ZNF486: variants seen among roughly 807,000 people sequenced by gnomAD.
ZNF486 encodes the protein KRAB box only protein 2.
In ZNF486, 12 loss-of-function variants were observed where a neutral mutation model predicts 12.8. That is an observed-to-expected ratio of 0.94 (90% CI 0.60 to 1.52). The LOEUF is 1.52. Among genes scored for constraint, ZNF486 ranks in the 40% most tolerant of loss-of-function variants. The probability of loss-of-function intolerance (pLI) is 0.00; values close to 1 mark genes in which losing one functional copy is unlikely to be tolerated. For missense variants in ZNF486, 738 were observed against 545.0 expected (o/e 1.35, Z -3.53); for synonymous variants, 231 against 184.9 (o/e 1.25, Z -2.02).
intron 2 of ZNF486, among the ~76,000 whole-genome samples, chr19:20,185,019 G>C (rs1555716162): frequency 6.6e-6 from 1 of 152,146 alleles, no homozygotes; most frequent in Non-Finnish European, 1.5e-5. Context: ...GCTGAGGCAG[G>C]AGATTCCCTT....
chr19:20,195,940 A>T (rs956410464), intron 3 of ZNF486, among the ~76,000 whole-genome samples: 1 of 152,200 alleles, frequency 6.6e-6, no homozygotes. Context: ...TGTCTAAAAA[A>T]GCCCCTAGAA....
rs111687138 is a variant in ZNF486 at position 20,170,112 on chromosome 19, G to T, written c.30+2752G>T. Among the ~76,000 whole-genome samples, 686 of 150,962 alleles carry T rather than the reference G, an allele frequency of 4.5e-3. 7 individuals are homozygous for T. The highest frequency in any genetic ancestry group is 0.016 in the African/African-American group (647 of 41,258). On this transcript the variant is annotated intron_variant, in intron 1 of 3. Coordinates refer to ENST00000335117, the MANE Select transcript of ZNF486 (RefSeq NM_052852.4). The stretch of plus-strand genomic sequence containing the variant: ...TCACCGTGTTAGCCAGGATGGTCTC[G>T]ATCTCCTGACCTCTGACCTTGTGAT...
chr19:20,170,744 C>G (rs1205391638), intron 1 of ZNF486, among the ~76,000 whole-genome samples: 1 of 152,184 alleles, frequency 6.6e-6, no homozygotes, highest in Non-Finnish European at 1.5e-5. Flanking sequence ...TTCTGGAGTA[C>G]ACAACAAATG....
chr19:20,168,195 C>T (rs2089606205), intron 1 of ZNF486, among the ~76,000 whole-genome samples: 2 of 152,012 alleles, frequency 1.3e-5, no homozygotes, highest in South Asian at 4.1e-4. Context: ...CCCGTCTCTA[C>T]TAAAAATACA....
At chr19:20,187,500 GTT>G (rs57208523) in intron 3 of ZNF486, among the ~76,000 whole-genome samples, 31 of 119,632 alleles carry the variant, frequency 2.6e-4, no homozygotes, top group East Asian at 2.3e-3. Context: ...ACCTCTTCAA[GTT>G]TTTTTTTTTT....
chr19:20,170,311 C>CTCA, intron 1 of ZNF486, among the ~76,000 whole-genome samples: 1 of 152,072 alleles, frequency 6.6e-6, no homozygotes, highest in East Asian at 2.0e-4. Flanking sequence ...GGCGCGATGG[C>CTCA]TCACGCTTGT....
intron 1 of ZNF486, among the ~76,000 whole-genome samples, chr19:20,183,361 G>A (rs2089806903): frequency 6.6e-6 from 1 of 152,128 alleles, no homozygotes; most frequent in Non-Finnish European, 1.5e-5. Flanking sequence ...TATATGGAAT[G>A]GCATTTATTA....
At chr19:20,186,193 T>C (rs1370068139) in intron 3 of ZNF486, 111 bp downstream of exon 3, 2 of 670,662 alleles carry the variant, frequency 3.0e-6, no homozygotes, top group Non-Finnish European at 4.7e-6. Flanking sequence ...CCAAAGGAAA[T>C]AGTTCCTGGG....
At position 20,181,955 on chromosome 19, in the gene ZNF486, A is replaced by G. The variant is rs559572700; in HGVS notation, c.31-2401A>G. 2.6e-5 allele frequency among the ~76,000 whole-genome samples: 4 copies of G among 152,342 alleles called. No homozygotes were observed. In the South Asian group the frequency reaches 8.3e-4, roughly 32 times the overall value. On this transcript the variant is annotated intron_variant, in intron 1 of 3. Coordinates refer to ENST00000335117, the MANE Select transcript of ZNF486 (RefSeq NM_052852.4). ...GCTCTGTATCATTCTCTTGAGCACA[A>G]AGTACCTGCTTAATAAACATTGCAT...
chr19:20,194,458 G>A (rs1219285912), intron 3 of ZNF486, among the ~76,000 whole-genome samples: 1 of 152,158 alleles, frequency 6.6e-6, no homozygotes, highest in Non-Finnish European at 1.5e-5. Flanking sequence ...CGGTTGTGGT[G>A]GCTCACGTCT....
chr19:20,186,388 C>T (rs79514816), intron 3 of ZNF486, among the ~76,000 whole-genome samples: 9,283 of 152,166 alleles, frequency 0.061, 354 homozygotes, highest in African/African-American at 0.11. Flanking sequence ...TTTTCCGTTG[C>T]CTTGGGGACA....
chr19:20,184,357 A>G lies in ZNF486; in HGVS notation c.32A>G (p.Glu11Gly), dbSNP rs1220717236. The G allele has an allele frequency of 3.7e-6, 6 of 1,612,602 alleles. No individual in the cohort carries two copies. Among genetic ancestry groups the G allele is most frequent in the Non-Finnish European group, 5.1e-6 (6 of 1,179,282 alleles). ...TGTGTGTGTGTGTGTGTTTTTCAGGAATCATTGCAATTTAGAGATGTGGCT... is the reference window on the plus strand; with the variant it reads ...TGTGTGTGTGTGTGTGTTTTTCAGGGATCATTGCAATTTAGAGATGTGGCT... MPGPLRSLEM[E>G]SLQFRDVAVE... Residue 11 changes from glutamate to glycine, a missense_variant and splice_region_variant, in exon 2 of 4, where the codon GAA becomes GGA. By Grantham distance (98) the Glu-to-Gly change is moderately conservative. Coordinates refer to ENST00000335117, the MANE Select transcript of ZNF486 (RefSeq NM_052852.4).
chr19:20,181,524 G>T (rs1164341714), intron 1 of ZNF486, among the ~76,000 whole-genome samples: 1 of 141,012 alleles, frequency 7.1e-6, no homozygotes, highest in Non-Finnish European at 1.5e-5. Context: ...GGGTGGCAGC[G>T]AGACTCCATC....
chr19:20,177,570 T>A (rs1555714993), intron 1 of ZNF486, among the ~76,000 whole-genome samples: 1 of 152,222 alleles, frequency 6.6e-6, no homozygotes, highest in Non-Finnish European at 1.5e-5. Flanking sequence ...CAAGTTTAAT[T>A]GTAAAATAAA....
Position 20,197,285 on chromosome 19 carries a change from A to T in ZNF486, c.575A>T (p.Asn192Ile), listed in dbSNP as rs782044271. The T allele has an allele frequency of 1.5e-5, 24 of 1,610,666 alleles. No individual in the cohort carries two copies. Among genetic ancestry groups the T allele is most frequent in the Non-Finnish European group, 2.0e-5 (24 of 1,179,016 alleles). ...LKYIEGDKAF[N>I]QSSTHTTHKK... ...TATATAGAAGGTGACAAAGCTTTTA[A>T]CCAGTCCTCAACCCATACTACACAT... Residue 192 changes from asparagine to isoleucine, a missense_variant, in exon 4 of 4, where the codon AAC becomes ATC. Transcript: ENST00000335117.
In ZNF486 at chr19:20,197,350, G is replaced by A. The variant is rs2089969535; in HGVS notation, c.640G>A (p.Glu214Lys). The change falls in exon 4 of 4, where the codon GAA (glutamate) becomes AAA (lysine). Residue 214 changes from glutamate to lysine, a missense_variant. Transcript: ENST00000335117. ...DTGEKPYKCE[E>K]CGKAFNRSSH... The stretch of plus-strand genomic sequence containing the variant: ...TGGAGAGAAACCATACAAATGTGAA[G>A]AATGTGGCAAAGCCTTCAACCGGTC... 1 of 1,613,556 alleles carries A rather than the reference G, an allele frequency of 6.2e-7. No homozygotes were observed. The highest frequency in any genetic ancestry group is 8.5e-7 in the Non-Finnish European group (1 of 1,179,704).
In ZNF486 at chr19:20,197,546, A is replaced by T. The variant is rs1555718243; in HGVS notation, c.836A>T (p.Tyr279Phe). 5.6e-6 allele frequency: 9 copies of T among 1,608,226 alleles called. No individual in the cohort carries two copies. The highest frequency in any genetic ancestry group is 7.6e-6 in the Non-Finnish European group (9 of 1,177,974). ...TGTGGCAAAGCCTTTATGTACCCCT[A>T]TACCCTTACTACACATAAGATAATC... ...EECGKAFMYP[Y>F]TLTTHKIIHT... Residue 279 changes from tyrosine (Y) to phenylalanine (F), a missense_variant, in exon 4 of 4, where the codon TAT (tyrosine) becomes TTT (phenylalanine). Tyr to Phe is a conservative substitution (Grantham distance 22, BLOSUM62 3). Transcript: ENST00000335117.
intron 3 of ZNF486, among the ~76,000 whole-genome samples, chr19:20,193,100 T>C (rs1453863019): frequency 6.6e-6 from 1 of 152,130 alleles, no homozygotes; most frequent in Admixed American, 6.5e-5. Flanking sequence ...TCTTGAAAAC[T>C]GGAGATTACA....
intron 1 of ZNF486, among the ~76,000 whole-genome samples, chr19:20,172,497 C>T (rs2089659551): frequency 6.6e-6 from 1 of 151,850 alleles, no homozygotes; most frequent in African/African-American, 2.4e-5. Context: ...GGGGGTTTCA[C>T]CATGTTGGCC....
Sources: allele counts gnomAD v4.1 joint callset (sites outside exome capture counted in the v4.1 genomes callset), GRCh38; gene constraint gnomAD v4.1.1; transcripts MANE v1.5; gene names NCBI Gene and HGNC (gene_info 2026-07-23, HGNC 2026-07-21).